Variants in RYR3 observed in about 807,000 individuals in gnomAD.
RYR3 encodes the protein ryanodine receptor 3.
In RYR3, 207 loss-of-function variants were observed where a neutral mutation model predicts 584.3. The observed-to-expected ratio is 0.35, with a 90% confidence interval of 0.32 to 0.40. RYR3 has a LOEUF of 0.40. Ranked by LOEUF, RYR3 falls within the 10% of genes least tolerant of loss-of-function variation. The probability of loss-of-function intolerance (pLI) is 1.00; values close to 1 mark genes in which losing one functional copy is unlikely to be tolerated. For synonymous variants in RYR3, 2,416 were observed against 2,248.5 expected (o/e 1.07, Z -2.11); for missense variants, 5,616 against 6,089.2 (o/e 0.92, Z 2.59).
At chr15:33,853,495 G>A (rs1454449285) in intron 95 of RYR3, 60 bp from the exon 96 acceptor site, 32 of 1,586,390 alleles carry the variant, frequency 2.0e-5, no homozygotes, top group Admixed American at 3.4e-5. Flanking sequence ...AGACCCCAGA[G>A]CTAGAAAATA....
At chr15:33,463,669 C>T (rs1025897332) in intron 1 of RYR3, among the ~76,000 whole-genome samples, 9 of 152,154 alleles carry the variant, frequency 5.9e-5, no homozygotes, top group African/African-American at 2.2e-4. Flanking sequence ...CGCTACATCT[C>T]CCTAATCAAC....
intron 1 of RYR3, among the ~76,000 whole-genome samples, chr15:33,326,435 T>C (rs1327609892): frequency 6.6e-6 from 1 of 152,170 alleles, no homozygotes; most frequent in Non-Finnish European, 1.5e-5. Flanking sequence ...GTTAGATATC[T>C]AAGGAACTAA....
chr15:33,462,762 T>G (rs1408584461), intron 1 of RYR3, among the ~76,000 whole-genome samples: 1 of 152,176 alleles, frequency 6.6e-6, no homozygotes, highest in Non-Finnish European at 1.5e-5. Context: ...TTAGATGCTC[T>G]TCTGTCTCGT....
At chr15:33,576,854 G>C (rs2058325740) in intron 12 of RYR3, among the ~76,000 whole-genome samples, 1 of 152,108 alleles carries the variant, frequency 6.6e-6, no homozygotes, top group African/African-American at 2.4e-5. Context: ...ACATGATCCT[G>C]TATCTAGAAA....
intron 19 of RYR3, among the ~76,000 whole-genome samples, chr15:33,620,283 T>C (rs2060657163): frequency 6.6e-6 from 1 of 152,250 alleles, no homozygotes; most frequent in African/African-American, 2.4e-5. Context: ...GTTGTCAAGC[T>C]TCCACGTGGT....
intron 1 of RYR3, among the ~76,000 whole-genome samples, chr15:33,366,182 G>A (rs1975471505): frequency 7.4e-6 from 1 of 134,694 alleles, no homozygotes; most frequent in Admixed American, 7.3e-5. Flanking sequence ...CACATAATAG[G>A]TAATTGGCAA....
intron 86 of RYR3, among the ~76,000 whole-genome samples, chr15:33,831,938 C>T (rs2077704024): frequency 6.6e-6 from 1 of 152,080 alleles, no homozygotes; most frequent in Admixed American, 6.6e-5. Flanking sequence ...TTGCCTCTAC[C>T]CGTAAAGAGC....
chr15:33,464,501 T>TAG (rs1388636079), intron 1 of RYR3, among the ~76,000 whole-genome samples: 2 of 100,148 alleles, frequency 2.0e-5, no homozygotes, highest in Non-Finnish European at 4.2e-5. Flanking sequence ...CACATATATA[T>TAG]ATACATACAC....
At position 33,729,118 on chromosome 15, in the gene RYR3, C is replaced by T. The variant is rs1480730136; in HGVS notation, c.7203+92C>T. 3.8e-6 allele frequency: 4 copies of T among 1,049,502 alleles called. No individual in the cohort carries two copies. In the African/African-American group the frequency reaches 6.4e-5, roughly 17 times the overall value. The allele number at this position is 1,049,502 out of a possible 1,614,324, so 65.0% of individuals were successfully genotyped here. A position where few individuals can be genotyped will look rare whatever the true frequency, so the allele number is the denominator to read the frequency against. Reference sequence around the variant, plus strand: ...AAGCAAATATTTTCTCTTTACTCACCAATTACATTTTAATAGCTTACTTTA... The same window carrying T: ...AAGCAAATATTTTCTCTTTACTCACTAATTACATTTTAATAGCTTACTTTA... On this transcript the variant is annotated intron_variant, in intron 47 of 103. Coordinates refer to ENST00000634891, the MANE Select transcript of RYR3 (RefSeq NM_001036.6).
chr15:33,748,712 C>CAAGGGGAG (rs2070987854), intron 55 of RYR3, among the ~76,000 whole-genome samples, 182 bp downstream of exon 55: 1 of 152,154 alleles, frequency 6.6e-6, no homozygotes, highest in Non-Finnish European at 1.5e-5. Context: ...ACCAATCCTC[C>CAAGGGGAG]AAGGGGAGGC....
intron 1 of RYR3, among the ~76,000 whole-genome samples, chr15:33,392,286 C>T (rs1054085156): frequency 6.6e-6 from 1 of 151,160 alleles, no homozygotes; most frequent in Non-Finnish European, 1.5e-5. Flanking sequence ...TTAGGGTGAA[C>T]CTTTCCAAAT....
At chr15:33,800,397 T>C (rs1248520454) in intron 67 of RYR3, among the ~76,000 whole-genome samples, 1 of 152,228 alleles carries the variant, frequency 6.6e-6, no homozygotes, top group East Asian at 1.9e-4. Flanking sequence ...TAGCCTTATA[T>C]ATTAAAGGAA....
intron 10 of RYR3, among the ~76,000 whole-genome samples, chr15:33,551,328 G>A (rs1169936987): frequency 6.6e-6 from 1 of 152,172 alleles, no homozygotes; most frequent in Non-Finnish European, 1.5e-5. Context: ...CTTGATATGT[G>A]TTCTCACCAT....
rs59021219 is a variant in RYR3 at position 33,662,563 on chromosome 15, A to G, written c.5033A>G (p.Asp1678Gly). Residue 1678 changes from aspartate (D) to glycine (G), a missense_variant, in exon 35 of 104, where the codon GAT becomes GGT. Coordinates refer to ENST00000634891, the MANE Select transcript of RYR3 (RefSeq NM_001036.6). ...CCTTGCTTTGTTGTGACTGGTGAGG[A>G]TCACCAAAAGCAGAGCCCCGAGATT... Reference protein sequence around the residue: ...STPCFVVTGEDHQKQSPEIPL... With the variant: ...STPCFVVTGEGHQKQSPEIPL... 6.3e-3 allele frequency: 10,196 copies of G among 1,613,842 alleles called. 534 individuals are homozygous for G. In the African/African-American group the frequency reaches 0.11, roughly 18 times the overall value.
intron 65 of RYR3, among the ~76,000 whole-genome samples, chr15:33,781,580 G>C (rs904601962): frequency 2.0e-5 from 3 of 152,122 alleles, no homozygotes; most frequent in Admixed American, 2.0e-4. Context: ...CTAAGCCATG[G>C]CAGCTTTATT....
At chr15:33,644,099 CTT>C (rs2061972605) in intron 27 of RYR3, among the ~76,000 whole-genome samples, 4 of 152,196 alleles carry the variant, frequency 2.6e-5, no homozygotes, top group Admixed American at 2.6e-4. Flanking sequence ...ACCAAGCTCT[CTT>C]ATCTTTCCTA....
intron 18 of RYR3, among the ~76,000 whole-genome samples, chr15:33,603,894 T>C (rs1468142938): frequency 1.3e-5 from 2 of 152,250 alleles, no homozygotes; most frequent in Non-Finnish European, 2.9e-5. Flanking sequence ...TCTGGATCCA[T>C]GCCTAACACA....
At position 33,530,581 on chromosome 15, in the gene RYR3, C is replaced by T. The variant is rs1447375684; in HGVS notation, c.280-11C>T. The stretch of plus-strand genomic sequence containing the variant: ...GGCATGTGCTGACCTTATTCTTCCT[C>T]ATTCCCACAGGCAGCACAAGGAGGT... On this transcript the variant is annotated splice_polypyrimidine_tract_variant and intron_variant, in intron 3 of 103. Transcript: ENST00000634891. 3 of 1,604,648 alleles carry T rather than the reference C, an allele frequency of 1.9e-6. No individual in the cohort carries two copies. The highest frequency in any genetic ancestry group is 2.6e-6 in the Non-Finnish European group (3 of 1,171,756).
chr15:33,848,483 T>G lies in RYR3; in HGVS notation c.13628+62T>G, dbSNP rs1036152923. ...GAGTCTCTACTGTAAATAGAGTAAC[T>G]CTTTCCTCCTGGCCTTAAAACTGGT... On this transcript the variant is annotated intron_variant, in intron 94 of 103. Coordinates refer to ENST00000634891, the MANE Select transcript of RYR3 (RefSeq NM_001036.6). 4 of 1,529,548 alleles carry G rather than the reference T, an allele frequency of 2.6e-6. No homozygotes were observed. In the African/African-American group the frequency reaches 5.6e-5, roughly 21 times the overall value. The allele number at this position is 1,529,548 out of a possible 1,614,324, so 94.7% of individuals were successfully genotyped here.
Sources: allele counts gnomAD v4.1 joint callset (sites outside exome capture counted in the v4.1 genomes callset), GRCh38; gene constraint gnomAD v4.1.1; transcripts MANE v1.5; gene names NCBI Gene and HGNC (gene_info 2026-07-23, HGNC 2026-07-21).